The following ARHGAP26 variants were observed in gnomAD, a reference collection of about 807,000 sequenced individuals.
ARHGAP26 encodes the protein rho GTPase-activating protein 26.
A neutral mutation model predicts 104.8 loss-of-function variants in ARHGAP26; 38 were observed. That is an observed-to-expected ratio of 0.36 (90% CI 0.28 to 0.48). ARHGAP26 has a LOEUF of 0.48. Among genes scored for constraint, ARHGAP26 ranks in the 20% least tolerant of loss-of-function variants. ARHGAP26 has a pLI of 0.99. For synonymous variants in ARHGAP26, 341 were observed against 340.0 expected, an observed-to-expected ratio of 1.00 and a Z score of -0.03; for missense variants, 704 against 947.9, an observed-to-expected ratio of 0.74 and a Z score of 3.38.
At chr5:142,958,845 G>A (rs1318574205) in intron 11 of ARHGAP26, among the ~76,000 whole-genome samples, 3 of 150,258 alleles carry the variant, frequency 2.0e-5, no homozygotes, top group African/African-American at 4.9e-5. Flanking sequence ...AGGGCCAGAG[G>A]ATCACTTGAA....
chr5:143,100,721 A>G (rs947428969), intron 17 of ARHGAP26, among the ~76,000 whole-genome samples: 1 of 152,226 alleles, frequency 6.6e-6, no homozygotes, highest in Non-Finnish European at 1.5e-5. Context: ...TACCTTAGGC[A>G]TGCACTTGAT....
At position 143,227,034 on chromosome 5, in the gene ARHGAP26, GAGAAAGAC is replaced by G. The variant is rs1255444527; in HGVS notation, c.*4596_*4603del. The G allele has an allele frequency of 8.7e-6, 2 of 229,776 alleles. No individual in the cohort carries two copies. Among genetic ancestry groups the G allele is most frequent in the Non-Finnish European group, 1.7e-5 (2 of 115,866 alleles). The allele number at this position is 229,776 out of a possible 1,614,324, so 14.2% of individuals were successfully genotyped here. A position where few individuals can be genotyped will look rare whatever the true frequency, so the allele number is the denominator to read the frequency against. On this transcript the variant is annotated 3_prime_UTR_variant, in exon 23 of 23. Coordinates refer to ENST00000645722, the MANE Select transcript of ARHGAP26 (RefSeq NM_001135608.3). ...TCCAAAAGCATTCACAGTTGAGGGG[GAGAAAGAC>G]AGAAAGAAGAAGCCAAAGATAACCT...
At chr5:142,973,361 C>T (rs1286135172) in intron 11 of ARHGAP26, among the ~76,000 whole-genome samples, 1 of 152,110 alleles carries the variant, frequency 6.6e-6, no homozygotes, top group East Asian at 1.9e-4. Flanking sequence ...GTGACAGTAG[C>T]GACATCCAAA....
chr5:142,771,943 C>G lies in ARHGAP26; in HGVS notation c.154+1028C>G, dbSNP rs1022991761. Among the ~76,000 whole-genome samples the G allele has an allele frequency of 2.9e-4, 44 of 152,188 alleles. 1 individual carries two copies. The highest frequency in any genetic ancestry group is 2.3e-3 in the Admixed American group (35 of 15,276). On this transcript the variant is annotated intron_variant, in intron 1 of 22. Transcript: ENST00000645722. ...TTTCAGTCTCCCCATTTAAAAATAG[C>G]TCAGTCCATCTTTTAGTTTTAAGAA... is the stretch of plus-strand genomic sequence containing the variant.
chr5:143,223,368 A>C lies in ARHGAP26; in HGVS notation c.*922A>C, dbSNP rs1004426060. 2 of 232,750 alleles carry C rather than the reference A, an allele frequency of 8.6e-6. No individual in the cohort carries two copies. Among genetic ancestry groups the C allele is most frequent in the Non-Finnish European group, 1.7e-5 (2 of 117,518 alleles). 14.4% of individuals were successfully genotyped at this position (232,750 alleles called of 1,614,324 possible). A position where few individuals can be genotyped will look rare whatever the true frequency, so the allele number is the denominator to read the frequency against. On this transcript the variant is annotated 3_prime_UTR_variant, in exon 23 of 23. Transcript: ENST00000645722. ...TCCCTTTCTGATTAATTTCAGCAGC[A>C]TCGGAATATATTTGGAGCACACCCT...
chr5:142,897,230 A>G (rs1471861785), intron 6 of ARHGAP26, among the ~76,000 whole-genome samples: 4 of 152,216 alleles, frequency 2.6e-5, no homozygotes, highest in Non-Finnish European at 4.4e-5. Context: ...TAGTGTGCAG[A>G]TGTTTTTCAG....
intron 20 of ARHGAP26, among the ~76,000 whole-genome samples, chr5:143,184,294 A>T (rs1804823941): frequency 6.6e-6 from 1 of 152,170 alleles, no homozygotes; most frequent in African/African-American, 2.4e-5. Context: ...ACAAATATTC[A>T]GGCCTCCCCC....
intron 5 of ARHGAP26, among the ~76,000 whole-genome samples, chr5:142,889,688 CAT>C (rs1758217359): frequency 6.6e-6 from 1 of 152,042 alleles, no homozygotes; most frequent in Admixed American, 6.6e-5. Context: ...TTTAAAATAA[CAT>C]AGTCAATGAA....
At chr5:142,920,786 A>G (rs747435807) in intron 10 of ARHGAP26, among the ~76,000 whole-genome samples, 2 of 152,192 alleles carry the variant, frequency 1.3e-5, no homozygotes, top group Non-Finnish European at 2.9e-5. Context: ...GAATGCTCAT[A>G]TATACTCAAG....
chr5:143,080,330 A>AT (rs942939668), intron 17 of ARHGAP26, among the ~76,000 whole-genome samples: 3 of 152,310 alleles, frequency 2.0e-5, no homozygotes, highest in South Asian at 2.1e-4. Context: ...ACAGTGGTAA[A>AT]TTTTTTTAAA....
intron 11 of ARHGAP26, among the ~76,000 whole-genome samples, chr5:142,999,971 C>T (rs540353219): frequency 8.3e-4 from 126 of 152,030 alleles, no homozygotes; most frequent in Admixed American, 2.2e-3. Flanking sequence ...CTTGAAGAAA[C>T]GCCGGACAAA....
At chr5:143,162,812 G>A (rs1801430847) in intron 20 of ARHGAP26, among the ~76,000 whole-genome samples, 6 of 152,190 alleles carry the variant, frequency 3.9e-5, no homozygotes, top group Admixed American at 3.9e-4. Context: ...CCCAGTCAGT[G>A]AGCAAACACG....
chr5:143,026,934 G>A (rs1183767097), intron 12 of ARHGAP26, among the ~76,000 whole-genome samples: 1 of 152,054 alleles, frequency 6.6e-6, no homozygotes, highest in Admixed American at 6.5e-5. Flanking sequence ...TTCTGGATAC[G>A]GTTTTAAGTT....
At position 142,873,488 on chromosome 5, in the gene ARHGAP26, G is replaced by A. The variant is rs1159983919; in HGVS notation, c.243G>A (p.Met81Ile). 1 of 1,585,368 alleles carries A rather than the reference G, an allele frequency of 6.3e-7. No individual in the cohort carries two copies. ...GAGATGCAGAAACAGATGATGAGAT[G>A]TGTATAGGTAAGTCATAACTGTGCA... is the stretch of plus-strand genomic sequence containing the variant. The part of the protein sequence containing the change: ...CIGDAETDDE[M>I]CIARSLQEFA... The change falls in exon 2 of 23, where the codon ATG becomes ATA. Residue 81 changes from methionine to isoleucine, a missense_variant. By Grantham distance (10) the Met-to-Ile change is conservative. Transcript: ENST00000645722.
intron 1 of ARHGAP26, among the ~76,000 whole-genome samples, chr5:142,817,329 G>A (rs1163627664): frequency 1.3e-5 from 2 of 152,214 alleles, no homozygotes; most frequent in Non-Finnish European, 2.9e-5. Flanking sequence ...CACCTTCACA[G>A]AGTCATTGTT....
rs1235094209 is a variant in ARHGAP26 at position 143,093,049 on chromosome 5, T to A, written c.1539-27939T>A. ...TTAGATCCCCTGTTAGGAAACCTGC[T>A]GGGTTAAGGGAATTTTTAGTGGTTA... On this transcript the variant is annotated intron_variant, in intron 17 of 22. Coordinates refer to ENST00000645722, the MANE Select transcript of ARHGAP26 (RefSeq NM_001135608.3). 2.0e-5 allele frequency among the ~76,000 whole-genome samples: 3 copies of A among 152,322 alleles called. No individual in the cohort carries two copies. The East Asian group carries it at 5.8e-4, about 29-fold the overall frequency.
chr5:142,839,351 A>G (rs1770264862), intron 1 of ARHGAP26, among the ~76,000 whole-genome samples: 1 of 152,014 alleles, frequency 6.6e-6, no homozygotes, highest in African/African-American at 2.4e-5. Flanking sequence ...TAATTGTTAT[A>G]ACAATCCTTT....
At chr5:143,164,884 T>C (rs1801721206) in intron 20 of ARHGAP26, 1 of 152,210 alleles carries the variant, frequency 6.6e-6, no homozygotes, top group South Asian at 2.1e-4. Context: ...GACAGAAACC[T>C]AAGACCCTCA....
At chr5:143,105,116 CTA>C in intron 17 of ARHGAP26, among the ~76,000 whole-genome samples, 1 of 152,254 alleles carries the variant, frequency 6.6e-6, no homozygotes, top group Non-Finnish European at 1.5e-5. Context: ...TGGCTCATGC[CTA>C]TAATCCCAGC....
Sources: gnomAD v4.1 joint callset for allele counts (sites outside exome capture counted in the v4.1 genomes callset) on GRCh38, gnomAD v4.1.1 for gene constraint, MANE v1.5 for transcripts, NCBI Gene and HGNC (gene_info 2026-07-23, HGNC 2026-07-21) for gene names.